The following PCSK5 variants were observed in gnomAD, a reference collection of about 807,000 sequenced individuals.
PCSK5 encodes the protein proprotein convertase subtilisin/kexin type 5.
A neutral mutation model predicts 233.2 loss-of-function variants in PCSK5; 129 were observed. The ratio of observed to expected loss-of-function variants is 0.55; its 90% CI spans 0.48 to 0.64. PCSK5 has a LOEUF of 0.64. Ranked by LOEUF, PCSK5 falls within the 30% of genes least tolerant of loss-of-function variation. The pLI is 0.00. For synonymous variants in PCSK5, 825 were observed against 879.2 expected, an observed-to-expected ratio of 0.94 and a Z score of 1.09; for missense variants, 2,076 against 2,430.1, an observed-to-expected ratio of 0.85 and a Z score of 3.06.
chr9:75,936,502 A>C (rs996090019), intron 2 of PCSK5, among the ~76,000 whole-genome samples: 8 of 152,252 alleles, frequency 5.3e-5, no homozygotes, highest in African/African-American at 1.9e-4. Flanking sequence ...CAATGTTCAC[A>C]GCATCTTCAC....
chr9:76,344,793 A>T (rs554768538), intron 35 of PCSK5, among the ~76,000 whole-genome samples: 1 of 152,148 alleles, frequency 6.6e-6, no homozygotes, highest in Non-Finnish European at 1.5e-5. Flanking sequence ...AGTGTTGTGC[A>T]GTGGGCGGCG....
chr9:75,954,485 A>G (rs1426633874), intron 2 of PCSK5, among the ~76,000 whole-genome samples: 1 of 152,174 alleles, frequency 6.6e-6, no homozygotes, highest in African/African-American at 2.4e-5. Context: ...CTTTATCCTT[A>G]TTATAATGAT....
intron 7 of PCSK5, among the ~76,000 whole-genome samples, chr9:76,093,785 T>C (rs545686388): frequency 1.6e-4 from 25 of 152,258 alleles, no homozygotes; most frequent in African/African-American, 6.0e-4. Flanking sequence ...AGAGGGAACA[T>C]ATTGATGATG....
intron 9 of PCSK5, among the ~76,000 whole-genome samples, chr9:76,130,149 C>G (rs997661586): frequency 6.6e-6 from 1 of 151,910 alleles, no homozygotes; most frequent in African/African-American, 2.4e-5. Flanking sequence ...TTCTGTTTAC[C>G]TTTGAAAGAA....
chr9:76,072,890 G>GC (rs1202480443), intron 7 of PCSK5, among the ~76,000 whole-genome samples: 3 of 152,102 alleles, frequency 2.0e-5, no homozygotes, highest in South Asian at 4.1e-4. Context: ...ACTATAAACA[G>GC]CCCCTACCTA....
intron 24 of PCSK5, among the ~76,000 whole-genome samples, chr9:76,288,829 C>T (rs192753143): frequency 1.6e-4 from 25 of 152,316 alleles, no homozygotes; most frequent in Non-Finnish European, 7.3e-5. Context: ...CTTCTCTAGA[C>T]GTTCAAGTTT....
At chr9:76,046,183 T>TG (rs1829380603) in intron 5 of PCSK5, among the ~76,000 whole-genome samples, 1 of 120,556 alleles carries the variant, frequency 8.3e-6, no homozygotes, top group Admixed American at 8.2e-5. Context: ...TTTTTTTTTT[T>TG]TTTTTTTTTT....
rs186412922 is a variant in PCSK5, at chr9:76,353,462, G to A, written c.5068-571G>A. On this transcript the variant is annotated intron_variant, in intron 36 of 37. Transcript: ENST00000674117. ...TGGGTCAAAGAAAACCACAGTGTAA[G>A]CTTGATGCTTGAAGGAAAGTGGAAA... Among the ~76,000 whole-genome samples, 42 of 152,320 alleles carry A rather than the reference G, an allele frequency of 2.8e-4. No homozygotes were observed. The East Asian group carries it at 8.1e-3, about 29-fold the overall frequency.
intron 3 of PCSK5, among the ~76,000 whole-genome samples, chr9:75,991,046 T>C (rs1022986295): frequency 6.6e-5 from 10 of 152,204 alleles, no homozygotes; most frequent in African/African-American, 2.2e-4. Context: ...GTGTATTATC[T>C]TATCGCCAGT....
chr9:76,265,931 T>G (rs1827319397), intron 24 of PCSK5, among the ~76,000 whole-genome samples: 1 of 152,186 alleles, frequency 6.6e-6, no homozygotes, highest in African/African-American at 2.4e-5. Flanking sequence ...CAATTCTCTT[T>G]GCAATCCTGT....
rs142486261 is a variant in PCSK5, at chr9:76,313,236, C to G, written c.3884+2385C>G. 3.7e-3 allele frequency among the ~76,000 whole-genome samples: 558 copies of G among 152,240 alleles called. 3 individuals carry two copies. Among genetic ancestry groups the G allele is most frequent in the African/African-American group, 0.013 (535 of 41,546 alleles). On this transcript the variant is annotated intron_variant, in intron 30 of 37. Transcript: ENST00000674117. ...TGTGCTTAACTATCACTCAGTGCTG[C>G]CTTCTTGTACAATTGAGTATTTTTT...
At chr9:76,261,049 T>A (rs568948047) in intron 24 of PCSK5, among the ~76,000 whole-genome samples, 1 of 152,288 alleles carries the variant, frequency 6.6e-6, no homozygotes, top group South Asian at 2.1e-4. Context: ...TTACAAGAAT[T>A]ATTCACCACC....
intron 35 of PCSK5, among the ~76,000 whole-genome samples, chr9:76,339,160 A>G (rs11144837): frequency 0.22 from 33,116 of 151,648 alleles, 3,704 homozygotes; most frequent in Middle Eastern, 0.36. Context: ...TTAAAATTCA[A>G]ATTTCTCATT....
At chr9:75,945,719 C>T (rs1011098225) in intron 2 of PCSK5, among the ~76,000 whole-genome samples, 1 of 152,102 alleles carries the variant, frequency 6.6e-6, no homozygotes, top group African/African-American at 2.4e-5. Flanking sequence ...CTTTGACACA[C>T]CTCCTTTTTG....
At chr9:76,203,193 G>C (rs1034142938) in intron 20 of PCSK5, among the ~76,000 whole-genome samples, 9 of 151,928 alleles carry the variant, frequency 5.9e-5, no homozygotes, top group Non-Finnish European at 1.3e-4. Context: ...TTCCATCACT[G>C]GTCCTAAAAC....
At chr9:76,337,899 A>G (rs1254636334) in intron 34 of PCSK5, among the ~76,000 whole-genome samples, 1 of 152,116 alleles carries the variant, frequency 6.6e-6, no homozygotes, top group Non-Finnish European at 1.5e-5. Context: ...AACTTAAAGC[A>G]TGAACTTGGA....
chr9:76,278,129 C>T (rs1393859910), intron 24 of PCSK5, among the ~76,000 whole-genome samples: 1 of 152,132 alleles, frequency 6.6e-6, no homozygotes, highest in East Asian at 1.9e-4. Flanking sequence ...TGCAGGTGCT[C>T]ATATAGAGAC....
intron 3 of PCSK5, among the ~76,000 whole-genome samples, chr9:76,018,963 T>A (rs1828069968): frequency 6.6e-6 from 1 of 152,230 alleles, no homozygotes; most frequent in South Asian, 2.1e-4. Flanking sequence ...GGCCCTGCTC[T>A]AAGCCCTTTC....
intron 35 of PCSK5, among the ~76,000 whole-genome samples, chr9:76,346,086 A>G (rs142711205): frequency 4.2e-4 from 64 of 152,292 alleles, no homozygotes; most frequent in African/African-American, 1.5e-3. Flanking sequence ...GTAGGGATCC[A>G]GTTTTATTCT....
Sources: gnomAD v4.1 joint callset for allele counts (sites outside exome capture counted in the v4.1 genomes callset) on GRCh38, gnomAD v4.1.1 for gene constraint, MANE v1.5 for transcripts, NCBI Gene and HGNC (gene_info 2026-07-23, HGNC 2026-07-21) for gene names.